PDE7B: variants seen among roughly 807,000 people sequenced by gnomAD.
PDE7B encodes 3',5'-cyclic-AMP phosphodiesterase 7B.
Under a neutral mutation model 56.2 loss-of-function variants are expected in PDE7B, and 29 were observed. That is an observed-to-expected ratio of 0.52 (90% CI 0.38 to 0.70). PDE7B has a LOEUF of 0.70. Ranked by LOEUF, PDE7B falls within the 30% of genes least tolerant of loss-of-function variation. The probability of loss-of-function intolerance (pLI) is 0.00; values close to 1 mark genes in which losing one functional copy is unlikely to be tolerated. For synonymous variants in PDE7B, 197 were observed against 196.9 expected (o/e 1.00, Z 0.00); for missense variants, 490 against 565.0 (o/e 0.87, Z 1.35).
intron 1 of PDE7B, among the ~76,000 whole-genome samples, chr6:135,917,510 G>A (rs935647581): frequency 4.6e-5 from 7 of 151,546 alleles, no homozygotes; most frequent in Non-Finnish European, 8.8e-5. Flanking sequence ...TATTTCTTTG[G>A]AATCCTTAAA....
chr6:136,103,931 T>C (rs1583882914), intron 2 of PDE7B, among the ~76,000 whole-genome samples: 1 of 152,334 alleles, frequency 6.6e-6, no homozygotes, highest in Non-Finnish European at 1.5e-5. Context: ...TGTCAGAGTC[T>C]CCACCCTCTT....
At chr6:136,085,974 T>C (rs1382496090) in intron 2 of PDE7B, among the ~76,000 whole-genome samples, 1 of 152,240 alleles carries the variant, frequency 6.6e-6, no homozygotes, top group Non-Finnish European at 1.5e-5. Context: ...CTTAGAATGT[T>C]TGCCCATCAT....
chr6:136,163,642 T>C (rs1778746460), intron 8 of PDE7B, among the ~76,000 whole-genome samples: 1 of 152,232 alleles, frequency 6.6e-6, no homozygotes, highest in Admixed American at 6.5e-5. Flanking sequence ...TTCTATTACA[T>C]CATCAGCCTA....
At chr6:135,856,651 C>T (rs1050294529) in intron 1 of PDE7B, among the ~76,000 whole-genome samples, 3 of 152,114 alleles carry the variant, frequency 2.0e-5, no homozygotes, top group Non-Finnish European at 4.4e-5. Context: ...CAGAGCATTC[C>T]AGCTGGTGTC....
intron 6 of PDE7B, among the ~76,000 whole-genome samples, chr6:136,152,144 G>A (rs989486824): frequency 6.6e-6 from 1 of 152,030 alleles, no homozygotes; most frequent in Non-Finnish European, 1.5e-5. Flanking sequence ...GACTCACGTG[G>A]TTTAAACCCA....
At chr6:136,002,312 C>G (rs929321194) in intron 2 of PDE7B, among the ~76,000 whole-genome samples, 1 of 152,100 alleles carries the variant, frequency 6.6e-6, no homozygotes, top group Non-Finnish European at 1.5e-5. Context: ...AAATAACCAG[C>G]TAACATCATA....
At chr6:135,925,773 C>G (rs1441429539) in intron 1 of PDE7B, among the ~76,000 whole-genome samples, 1 of 152,160 alleles carries the variant, frequency 6.6e-6, no homozygotes, top group Non-Finnish European at 1.5e-5. Flanking sequence ...ACCCAAATAG[C>G]TTTTCAAAAA....
intron 1 of PDE7B, among the ~76,000 whole-genome samples, chr6:135,943,333 G>T (rs1360616414): frequency 2.0e-5 from 3 of 152,178 alleles, no homozygotes; most frequent in African/African-American, 4.8e-5. Flanking sequence ...GTGATAAGAA[G>T]AGGCAGCGAC....
At chr6:136,165,271 A>G (rs892477860) in intron 8 of PDE7B, among the ~76,000 whole-genome samples, 2 of 152,186 alleles carry the variant, frequency 1.3e-5, no homozygotes, top group African/African-American at 2.4e-5. Context: ...AAATAAGTAG[A>G]TAAGGTCGTG....
intron 1 of PDE7B, among the ~76,000 whole-genome samples, chr6:135,923,980 G>T (rs1774137353): frequency 6.6e-6 from 1 of 152,052 alleles, no homozygotes; most frequent in South Asian, 2.1e-4. Context: ...AGTAATCTAA[G>T]AAATCTAATG....
chr6:135,911,775 A>T (rs1416486190), intron 1 of PDE7B, among the ~76,000 whole-genome samples: 1 of 152,206 alleles, frequency 6.6e-6, no homozygotes, highest in African/African-American at 2.4e-5. Flanking sequence ...TGAAGCTCTG[A>T]ATTGAGATGT....
intron 1 of PDE7B, among the ~76,000 whole-genome samples, chr6:135,944,221 A>G (rs1027876191): frequency 6.6e-6 from 1 of 152,158 alleles, no homozygotes; most frequent in Non-Finnish European, 1.5e-5. Context: ...CCGATAATCC[A>G]GCAGGGCACA....
intron 1 of PDE7B, among the ~76,000 whole-genome samples, chr6:135,912,998 A>G (rs1273840401): frequency 6.6e-6 from 1 of 152,102 alleles, no homozygotes; most frequent in Non-Finnish European, 1.5e-5. Flanking sequence ...CAAAGCAGGG[A>G]ACTTGCTCAC....
intron 1 of PDE7B, among the ~76,000 whole-genome samples, chr6:135,912,746 A>G (rs1776234308): frequency 6.6e-6 from 1 of 152,264 alleles, no homozygotes; most frequent in Non-Finnish European, 1.5e-5. Context: ...AATAATTAAT[A>G]TCTGAAAATA....
At chr6:135,894,255 C>T (rs1775858862) in intron 1 of PDE7B, among the ~76,000 whole-genome samples, 1 of 152,104 alleles carries the variant, frequency 6.6e-6, no homozygotes, top group Non-Finnish European at 1.5e-5. Flanking sequence ...GTGATTCTAT[C>T]TCAAACATAG....
intron 3 of PDE7B, among the ~76,000 whole-genome samples, chr6:136,115,168 A>C (rs1777810807): frequency 2.6e-5 from 4 of 152,182 alleles, no homozygotes; most frequent in Admixed American, 2.6e-4. Context: ...TTACAAATAC[A>C]TTTTGATGTG....
At chr6:136,016,055 TTGTTAA>T (rs1375554239) in intron 2 of PDE7B, among the ~76,000 whole-genome samples, 4 of 152,158 alleles carry the variant, frequency 2.6e-5, no homozygotes, top group South Asian at 2.1e-4. Flanking sequence ...ATTAACTAGA[TTGTTAA>T]TGTTAGTGTT....
At chr6:135,948,983 A>G (rs1774648331) in intron 2 of PDE7B, among the ~76,000 whole-genome samples, 1 of 151,992 alleles carries the variant, frequency 6.6e-6, no homozygotes, top group African/African-American at 2.4e-5. Context: ...CATGTGTCCC[A>G]GTTTTGGATT....
intron 2 of PDE7B, among the ~76,000 whole-genome samples, chr6:136,070,764 A>G (rs1777036787): frequency 6.6e-6 from 1 of 152,198 alleles, no homozygotes; most frequent in Non-Finnish European, 1.5e-5. Context: ...AAACTAAAAT[A>G]CCATAATAGA....
Sources: gnomAD v4.1 joint callset for allele counts (sites outside exome capture counted in the v4.1 genomes callset) on GRCh38, gnomAD v4.1.1 for gene constraint, MANE v1.5 for transcripts, NCBI Gene and HGNC (gene_info 2026-07-23, HGNC 2026-07-21) for gene names.